Variants in SHROOM3 observed in about 807,000 individuals in gnomAD.
The protein encoded by SHROOM3 is shroom family member 3, also known as protein Shroom3.
A neutral mutation model predicts 138.6 loss-of-function variants in SHROOM3; 47 were observed. That is an observed-to-expected ratio of 0.34 (90% CI 0.27 to 0.43). The LOEUF is 0.43. Ranked by LOEUF, SHROOM3 falls within the 20% of genes least tolerant of loss-of-function variation. SHROOM3 has a pLI of 1.00. For missense variants in SHROOM3, 2,491 were observed against 2,596.5 expected (o/e 0.96, Z 0.88); for synonymous variants, 1,062 against 1,063.3 (o/e 1.00, Z 0.02).
At chr4:76,643,804 C>T (rs1465937661) in intron 2 of SHROOM3, among the ~76,000 whole-genome samples, 1 of 152,162 alleles carries the variant, frequency 6.6e-6, no homozygotes, top group Non-Finnish European at 1.5e-5. Flanking sequence ...CTCCTACCCC[C>T]AAATCATTAT....
At chr4:76,523,019 AAG>A (rs1438436357) in intron 1 of SHROOM3, among the ~76,000 whole-genome samples, 2 of 152,178 alleles carry the variant, frequency 1.3e-5, no homozygotes, top group Non-Finnish European at 1.5e-5. Flanking sequence ...CTAAAAACAA[AAG>A]AAGTTATTCT....
chr4:76,632,295 A>G (rs1172783223), intron 2 of SHROOM3, among the ~76,000 whole-genome samples: 3 of 152,198 alleles, frequency 2.0e-5, no homozygotes, highest in African/African-American at 7.2e-5. Flanking sequence ...CCCTCATCCT[A>G]GGAAAGAATG....
At chr4:76,499,104 G>A (rs1181788404) in intron 1 of SHROOM3, among the ~76,000 whole-genome samples, 1 of 152,174 alleles carries the variant, frequency 6.6e-6, no homozygotes, top group African/African-American at 2.4e-5. Context: ...TTGTATAAAT[G>A]AAGAAAGTAA....
In SHROOM3 at chr4:76,756,417, C is replaced by CTCTCT. The variant is rs549998629; in HGVS notation, c.4710-31_4710-30insCTCTT. The CTCTCT allele has an allele frequency of 1.5e-3, 1,861 of 1,260,374 alleles. 2 individuals carry two copies. The highest frequency in any genetic ancestry group is 0.014 in the South Asian group (980 of 71,612). The allele number at this position is 1,260,374 out of a possible 1,614,324, so 78.1% of individuals were successfully genotyped here. ...TATCACTCTCTCTTTCTCTCTCTCT[C>CTCTCT]TTTTTTTTTTTTTTTTAAATATCCC... On this transcript the variant is annotated intron_variant, in intron 7 of 10. Coordinates refer to ENST00000296043, the MANE Select transcript of SHROOM3 (RefSeq NM_020859.4).
intron 2 of SHROOM3, among the ~76,000 whole-genome samples, chr4:76,661,406 A>G (rs1268952732): frequency 6.6e-6 from 1 of 151,834 alleles, no homozygotes; most frequent in East Asian, 1.9e-4. Context: ...ATTTTTTTGT[A>G]TTTTTAGTAG....
chr4:76,562,031 A>C (rs534802637), intron 2 of SHROOM3, among the ~76,000 whole-genome samples: 36 of 152,176 alleles, frequency 2.4e-4, no homozygotes, highest in East Asian at 7.7e-4. Context: ...AACAAAAAAA[A>C]CCCTCAAAAC....
chr4:76,514,064 T>C (rs1216905068), intron 1 of SHROOM3, among the ~76,000 whole-genome samples: 1 of 152,176 alleles, frequency 6.6e-6, no homozygotes, highest in African/African-American at 2.4e-5. Flanking sequence ...GTAAAAAATA[T>C]GAAGCATAGT....
intron 1 of SHROOM3, among the ~76,000 whole-genome samples, chr4:76,525,386 C>A (rs1732668484): frequency 6.6e-6 from 1 of 152,182 alleles, no homozygotes; most frequent in Non-Finnish European, 1.5e-5. Context: ...ATCTAATTAT[C>A]TCCACCTGGT....
intron 4 of SHROOM3, among the ~76,000 whole-genome samples, chr4:76,737,263 CTTT>C (rs973842428): frequency 7.6e-6 from 1 of 130,942 alleles, no homozygotes; most frequent in African/African-American, 2.8e-5. Flanking sequence ...CTTGACAGCT[CTTT>C]TTTTTTTTTT....
chr4:76,579,643 A>G (rs57756059), intron 2 of SHROOM3, among the ~76,000 whole-genome samples: 90,385 of 152,070 alleles, frequency 0.59, 26,889 homozygotes, highest in Middle Eastern at 0.64. Context: ...CGTCTAATGA[A>G]GCATTCCCTC....
At chr4:76,439,293 C>T (rs1730622252) in intron 1 of SHROOM3, among the ~76,000 whole-genome samples, 2 of 152,166 alleles carry the variant, frequency 1.3e-5, no homozygotes, top group Non-Finnish European at 2.9e-5. Flanking sequence ...TTGTGAGTAC[C>T]TTGGACCTAC....
intron 1 of SHROOM3, among the ~76,000 whole-genome samples, chr4:76,491,032 T>A (rs141531888): frequency 6.6e-6 from 1 of 152,246 alleles, no homozygotes; most frequent in African/African-American, 2.4e-5. Flanking sequence ...CACGAAAAAG[T>A]GGTATCGCTG....
At chr4:76,710,767 C>T (rs1218749040) in intron 3 of SHROOM3, among the ~76,000 whole-genome samples, 2 of 152,096 alleles carry the variant, frequency 1.3e-5, no homozygotes, top group East Asian at 1.9e-4. Context: ...GCTACTTACC[C>T]ATGTGGGTCA....
chr4:76,561,791 C>T (rs1733603053), intron 2 of SHROOM3, among the ~76,000 whole-genome samples: 1 of 151,892 alleles, frequency 6.6e-6, no homozygotes, highest in Non-Finnish European at 1.5e-5. Flanking sequence ...AGGCAGGTCA[C>T]CTGAGGTCAG....
chr4:76,710,270 A>G lies in SHROOM3; in HGVS notation c.438A>G (p.Lys146=), dbSNP rs1720192510. ...AAGCAGCGTGGTCAGGAGGGGTTAA[A>G]CTTCGGCTGAAGCACAGGTAAGACG... ...HRKAAWSGGV[K]LRLKHRRSEP... is the part of the protein sequence containing the mutation. The change falls in exon 3 of 11, where the codon AAA becomes AAG. Residue 146 remains lysine, a synonymous_variant. Transcript: ENST00000296043. 1.9e-6 allele frequency: 3 copies of G among 1,614,114 alleles called. No homozygotes were observed. The highest frequency in any genetic ancestry group is 2.5e-6 in the Non-Finnish European group (3 of 1,179,992).
intron 2 of SHROOM3, among the ~76,000 whole-genome samples, chr4:76,669,562 C>T (rs533346333): frequency 8.6e-5 from 13 of 150,578 alleles, no homozygotes; most frequent in South Asian, 8.4e-4. Context: ...TGCAGTGAGC[C>T]GAGATCGGGC....
chr4:76,725,057 T>C (rs979380938), intron 3 of SHROOM3, among the ~76,000 whole-genome samples: 30 of 152,316 alleles, frequency 2.0e-4, no homozygotes, highest in African/African-American at 7.2e-4. Context: ...TCCCAACATA[T>C]CTTCTGCATC....
At chr4:76,589,448 T>A (rs61090632) in intron 2 of SHROOM3, among the ~76,000 whole-genome samples, 58,452 of 149,524 alleles carry the variant, frequency 0.39, 11,789 homozygotes, top group East Asian at 0.54. Context: ...GCCTGGGTGA[T>A]AAGAGTGAAA....
intron 9 of SHROOM3, among the ~76,000 whole-genome samples, chr4:76,764,977 A>G (rs1048771932): frequency 6.6e-6 from 1 of 152,126 alleles, no homozygotes; most frequent in Non-Finnish European, 1.5e-5. Flanking sequence ...ACAGTATTTC[A>G]ATGACAGTTC....
Sources: gnomAD v4.1 joint callset for allele counts (sites outside exome capture counted in the v4.1 genomes callset) on GRCh38, gnomAD v4.1.1 for gene constraint, MANE v1.5 for transcripts, NCBI Gene and HGNC (gene_info 2026-07-23, HGNC 2026-07-21) for gene names.